The following PHC2 variants were observed in gnomAD, a reference collection of about 807,000 sequenced individuals.
The protein encoded by PHC2 is polyhomeotic homolog 2.
PHC2 carries 29 observed loss-of-function variants against 87.4 expected under a neutral mutation model. The ratio of observed to expected loss-of-function variants is 0.33; its 90% CI spans 0.25 to 0.45. PHC2 has a LOEUF of 0.45. PHC2 is among the 20% of genes least tolerant of loss of function. The pLI is 1.00. For synonymous variants in PHC2, 438 were observed against 461.7 expected (o/e 0.95, Z 0.66); for missense variants, 857 against 1,136.7 (o/e 0.75, Z 3.54).
At chr1:33,340,528 C>T (rs1646723807) in intron 9 of PHC2, among the ~76,000 whole-genome samples, 1 of 152,196 alleles carries the variant, frequency 6.6e-6, no homozygotes, top group Admixed American at 6.5e-5. Context: ...TACTGCAGTG[C>T]GGTAAGCTGA....
At chr1:33,372,053 G>A (rs1011190528) in intron 3 of PHC2, among the ~76,000 whole-genome samples, 3 of 152,190 alleles carry the variant, frequency 2.0e-5, no homozygotes, top group Non-Finnish European at 2.9e-5. Context: ...GGGGCTCCCC[G>A]GCACTTCTTC....
rs767009086 is a variant in PHC2, at chr1:33,355,216, C to T, written c.1014G>A (p.Gln338=). The change falls in exon 8 of 15, where the codon CAG becomes CAA. Residue 338 remains glutamine (Q), a synonymous_variant. Coordinates refer to ENST00000683057, the MANE Select transcript of PHC2 (RefSeq NM_001385109.1). ...GGGGCTGCAGGTGCTTTGAGGATGG[C>T]TGTGGGAGGAGCTGGTGTGGCTGCA... is the stretch of plus-strand genomic sequence containing the variant. ...AQLQPHQLLP[Q]PSSKHLQPQF... is the part of the protein sequence containing the mutation. The T allele has an allele frequency of 1.6e-5, 25 of 1,596,228 alleles. No homozygotes were observed. In the East Asian group the frequency reaches 5.2e-4, roughly 33 times the overall value.
Position 33,382,023 on chromosome 1 carries a change from A to G in PHC2, c.-54-6430T>C, listed in dbSNP as rs1001615223. Reference sequence around the variant, plus strand: ...CCCGCATGGTGGTGGTGACTTATCAACGAGAGAGGTGAAGTTTGCCCTGCA... The same window carrying G: ...CCCGCATGGTGGTGGTGACTTATCAGCGAGAGAGGTGAAGTTTGCCCTGCA... On this transcript the variant is annotated intron_variant, in intron 1 of 14. Coordinates refer to ENST00000683057, the MANE Select transcript of PHC2 (RefSeq NM_001385109.1). The surrounding 1 kb of genome is among the most constrained non-coding windows in gnomAD (Gnocchi z 4.3). Among the ~76,000 whole-genome samples the G allele has an allele frequency of 6.6e-6, 1 of 152,110 alleles. No homozygotes were observed. The highest frequency in any genetic ancestry group is 1.5e-5 in the Non-Finnish European group (1 of 68,008).
chr1:33,423,929 T>C (rs1650559094), intron 1 of PHC2, among the ~76,000 whole-genome samples: 1 of 151,938 alleles, frequency 6.6e-6, no homozygotes, highest in Non-Finnish European at 1.5e-5. Flanking sequence ...AAACCACATC[T>C]CTACCAAAAA....
Position 33,372,382 on chromosome 1 carries a change from G to T in PHC2, c.240C>A (p.Ala80=). Residue 80 remains alanine, a synonymous_variant, in exon 3 of 15, where the codon GCC becomes GCA. Transcript: ENST00000683057. ...GCAGCATGAGGTGCTGCTGCTGGGCGGCGTACATCTGCTGCAGGTACTGAG... is the reference window on the plus strand; with the variant it reads ...GCAGCATGAGGTGCTGCTGCTGGGCTGCGTACATCTGCTGCAGGTACTGAG... ...TAAQYLQQMY[A]AQQQHLMLQT... The T allele has an allele frequency of 2.5e-6, 4 of 1,606,724 alleles. No homozygotes were observed. The highest frequency in any genetic ancestry group is 3.4e-6 in the Non-Finnish European group (4 of 1,175,906).
In PHC2 at chr1:33,370,998, G is replaced by C. The variant is rs1262613789; in HGVS notation, c.411+19C>G. ...TCCTGGGGCTGTGGACTCTGCTGCT[G>C]CTCCCCCATTCTACTCACCGAAGAT... On this transcript the variant is annotated intron_variant, in intron 4 of 14. Coordinates refer to ENST00000683057, the MANE Select transcript of PHC2 (RefSeq NM_001385109.1). 7 of 1,606,416 alleles carry C rather than the reference G, an allele frequency of 4.4e-6. No individual in the cohort carries two copies. In the African/African-American group the frequency reaches 6.7e-5, roughly 15 times the overall value.
chr1:33,367,781 T>G (rs1294674510), intron 6 of PHC2, among the ~76,000 whole-genome samples: 1 of 151,932 alleles, frequency 6.6e-6, no homozygotes, highest in East Asian at 1.9e-4. Flanking sequence ...CAGAAATAAT[T>G]CCCAGTGAGG....
intron 9 of PHC2, among the ~76,000 whole-genome samples, chr1:33,338,543 C>T (rs1446656111): frequency 6.6e-6 from 1 of 152,234 alleles, no homozygotes. Flanking sequence ...CGAACACAAT[C>T]TCGCCCCCTG....
chr1:33,328,233 C>T lies in PHC2; in HGVS notation c.2425+637G>A, dbSNP rs1182903127. Among the ~76,000 whole-genome samples the T allele has an allele frequency of 3.9e-5, 6 of 152,210 alleles. No homozygotes were observed. In the South Asian group the frequency reaches 1.0e-3, roughly 26 times the overall value. ...GGGCCTCACCACCACTTGTGCTCCA[C>T]CACGCAGGGCTCTGTGCCATGTCTG... On this transcript the variant is annotated intron_variant, in intron 14 of 14. Transcript: ENST00000683057.
chr1:33,355,114 A>G lies in PHC2; in HGVS notation c.1116T>C (p.Ala372=). 1 of 1,611,272 alleles carries G rather than the reference A, an allele frequency of 6.2e-7. No homozygotes were observed. The highest frequency in any genetic ancestry group is 8.5e-7 in the Non-Finnish European group (1 of 1,178,946). ...PPQQSRPVLQ[A]EPHPQLASVS... ...CTGAGGCGAGCTGGGGGTGGGGCTC[A>G]GCTTGGAGCACAGGCCGTGACTGCT... Residue 372 remains alanine (A), a synonymous_variant, in exon 8 of 15, where the codon GCT becomes GCC. Transcript: ENST00000683057.
At chr1:33,348,054 A>G (rs1646878389) in intron 9 of PHC2, among the ~76,000 whole-genome samples, 1 of 152,258 alleles carries the variant, frequency 6.6e-6, no homozygotes, top group Non-Finnish European at 1.5e-5. Flanking sequence ...CTAAAATGGG[A>G]GCCAAATAAA....
intron 9 of PHC2, among the ~76,000 whole-genome samples, chr1:33,337,414 A>C (rs1480803596): frequency 6.6e-6 from 1 of 152,178 alleles, no homozygotes; most frequent in Non-Finnish European, 1.5e-5. Context: ...CTGTTCCTTA[A>C]ACTCACAGAG....
chr1:33,327,841 G>C (rs535122735), intron 14 of PHC2, among the ~76,000 whole-genome samples: 3 of 152,212 alleles, frequency 2.0e-5, no homozygotes, highest in Admixed American at 2.0e-4. Flanking sequence ...CAGTATTCAC[G>C]TGACCTCAGC....
At chr1:33,416,794 T>A (rs973828167) in intron 1 of PHC2, among the ~76,000 whole-genome samples, 1 of 151,804 alleles carries the variant, frequency 6.6e-6, no homozygotes, top group Non-Finnish European at 1.5e-5. Context: ...TCAAAAATAT[T>A]AAAGAAAGTT....
chr1:33,430,802 G>C (rs1286476333), intron 1 of PHC2, among the ~76,000 whole-genome samples, 174 bp downstream of exon 1: 1 of 150,262 alleles, frequency 6.7e-6, no homozygotes, highest in Non-Finnish European at 1.5e-5. Context: ...CCGCCCGCCT[G>C]TCCGTGCCCA....
At position 33,367,673 on chromosome 1, in the gene PHC2, G is replaced by A. The variant is rs949813693; in HGVS notation, c.664-245C>T. The stretch of plus-strand genomic sequence containing the variant: ...AGAGGCTGAGTTCTGAGAAGGACCT[G>A]CTGCCCAGCTGGGCGGGCAGGGGTG... On this transcript the variant is annotated intron_variant, in intron 6 of 14. Transcript: ENST00000683057. Among the ~76,000 whole-genome samples the A allele has an allele frequency of 2.0e-5, 3 of 152,148 alleles. No individual in the cohort carries two copies. The South Asian group carries it at 6.2e-4, about 32-fold the overall frequency.
intron 5 of PHC2, 47 bp downstream of exon 5, chr1:33,370,374 T>C: frequency 1.3e-6 from 2 of 1,573,368 alleles, no homozygotes; most frequent in Non-Finnish European, 1.7e-6. Flanking sequence ...TCTCTGCCTC[T>C]GTCCTCCTGG....
intron 1 of PHC2, among the ~76,000 whole-genome samples, chr1:33,422,839 G>GC (rs973387790): frequency 6.6e-6 from 1 of 151,526 alleles, no homozygotes; most frequent in African/African-American, 2.4e-5. Flanking sequence ...TATACTTTAG[G>GC]CAAGTTATTA....
chr1:33,380,551 A>G (rs1166901857), intron 1 of PHC2, among the ~76,000 whole-genome samples: 1 of 152,246 alleles, frequency 6.6e-6, no homozygotes, highest in Non-Finnish European at 1.5e-5. Context: ...GTATACCTAC[A>G]TACACACCAC....
Sources: allele counts gnomAD v4.1 joint callset (sites outside exome capture counted in the v4.1 genomes callset), GRCh38; gene constraint gnomAD v4.1.1; non-coding constraint Gnocchi (gnomAD v3.1); transcripts MANE v1.5; gene names NCBI Gene and HGNC (gene_info 2026-07-23, HGNC 2026-07-21).